SLC24A2: variants seen among roughly 807,000 people sequenced by gnomAD.
SLC24A2 encodes the protein solute carrier family 24 member 2, also known as sodium/potassium/calcium exchanger 2.
Under a neutral mutation model 62.0 loss-of-function variants are expected in SLC24A2, and 36 were observed. The observed-to-expected ratio is 0.58, with a 90% CI of 0.44 to 0.77. The LOEUF (loss-of-function observed/expected upper bound fraction) is 0.77, where lower values mean the gene tolerates loss of function less well. Among genes scored for constraint, SLC24A2 ranks in the 30% least tolerant of loss-of-function variants. The pLI is 0.00. For missense variants in SLC24A2, 846 were observed against 817.9 expected (o/e 1.03, Z -0.42); for synonymous variants, 358 against 294.0 (o/e 1.22, Z -2.23).
chr9:19,764,233 A>G (rs1264008049), intron 2 of SLC24A2, among the ~76,000 whole-genome samples: 1 of 152,112 alleles, frequency 6.6e-6, no homozygotes, highest in Non-Finnish European at 1.5e-5. Flanking sequence ...CTAGCAGTCT[A>G]TCTACTTTGT....
chr9:20,024,611 G>T, the SLC24A2 span, among the ~76,000 whole-genome samples: 51 of 152,228 alleles, frequency 3.4e-4, no homozygotes, highest in Admixed American at 5.9e-4. Flanking sequence ...GGATTAGTAG[G>T]TTCTCTGATA....
At chr9:19,713,989 C>A (rs1242302049) in intron 2 of SLC24A2, among the ~76,000 whole-genome samples, 1 of 152,298 alleles carries the variant, frequency 6.6e-6, no homozygotes, top group East Asian at 1.9e-4. Flanking sequence ...CAACCTGGAT[C>A]TAGCCAATTA....
At chr9:19,792,296 G>A (rs1266035619), upstream of SLC24A2, among the ~76,000 whole-genome samples, 1 of 152,130 alleles carries the variant, frequency 6.6e-6, no homozygotes, top group African/African-American at 2.4e-5. Flanking sequence ...AGTAGCTCTG[G>A]AGTCATAGTA....
At chr9:19,591,267 C>T (rs1482130520) in intron 5 of SLC24A2, among the ~76,000 whole-genome samples, 2 of 152,208 alleles carry the variant, frequency 1.3e-5, no homozygotes, top group East Asian at 3.8e-4. Flanking sequence ...GTCTCATAGG[C>T]ATCTTAAATT....
intron 2 of SLC24A2, among the ~76,000 whole-genome samples, chr9:19,784,383 C>T (rs1823099440): frequency 6.6e-6 from 1 of 152,150 alleles, no homozygotes; most frequent in South Asian, 2.1e-4. Context: ...AGCCAAGTCT[C>T]TAAGTTAATG....
intron 5 of SLC24A2, among the ~76,000 whole-genome samples, chr9:19,586,158 T>A (rs1836364394): frequency 6.6e-6 from 1 of 152,138 alleles, no homozygotes; most frequent in South Asian, 2.1e-4. Flanking sequence ...CTTCCCTGAG[T>A]CCCTCTCCCC....
At chr9:19,577,070 G>A (rs1375284399) in intron 5 of SLC24A2, 48 bp from the exon 6 acceptor site, 41 of 1,478,830 alleles carry the variant, frequency 2.8e-5, no homozygotes, top group Non-Finnish European at 3.8e-5. Context: ...AGAAAGAAGA[G>A]AGTCTCAGGG....
chr9:20,184,457 G>A, the SLC24A2 span, among the ~76,000 whole-genome samples: 1 of 152,316 alleles, frequency 6.6e-6, no homozygotes, highest in South Asian at 2.1e-4. Context: ...GCTGAGGCAG[G>A]AGAATCACTT....
chr9:19,582,301 T>C (rs1836232860), intron 5 of SLC24A2, among the ~76,000 whole-genome samples: 5 of 152,232 alleles, frequency 3.3e-5, no homozygotes, highest in Admixed American at 2.6e-4. Flanking sequence ...GTTTCTCTTC[T>C]GCTGTTAATT....
At chr9:20,307,535 A>G in the SLC24A2 span, among the ~76,000 whole-genome samples, 285 of 152,342 alleles carry the variant, frequency 1.9e-3, no homozygotes, top group African/African-American at 6.6e-3. Context: ...AGAAAATTCC[A>G]GCAAATTGTA....
the SLC24A2 span, among the ~76,000 whole-genome samples, chr9:19,976,954 C>G: frequency 1.3e-5 from 2 of 152,086 alleles, no homozygotes; most frequent in East Asian, 3.8e-4. Context: ...ACATAGTGAA[C>G]ATATTTTAAA....
intron 2 of SLC24A2, among the ~76,000 whole-genome samples, chr9:19,724,965 A>T (rs535915660): frequency 2.0e-5 from 3 of 152,120 alleles, no homozygotes; most frequent in African/African-American, 4.8e-5. Flanking sequence ...AGCCTCCCCA[A>T]CACTCCTTGC....
the SLC24A2 span, among the ~76,000 whole-genome samples, chr9:19,888,254 GTTTCT>G: frequency 6.6e-6 from 1 of 152,140 alleles, no homozygotes; most frequent in Admixed American, 6.5e-5. Flanking sequence ...ATAGAATGAT[GTTTCT>G]TTTAAGTCCA....
At chr9:20,224,666 G>A in the SLC24A2 span, among the ~76,000 whole-genome samples, 1 of 151,860 alleles carries the variant, frequency 6.6e-6, no homozygotes. Context: ...GAAGAGAAGA[G>A]GGGAGGGGAG....
At chr9:19,757,227 C>T (rs1042738015) in intron 2 of SLC24A2, among the ~76,000 whole-genome samples, 10 of 151,860 alleles carry the variant, frequency 6.6e-5, no homozygotes, top group South Asian at 2.1e-4. Context: ...CTCTGTACCC[C>T]GAGAACTGAG....
intron 8 of SLC24A2, among the ~76,000 whole-genome samples, chr9:19,535,469 G>A (rs571056750): frequency 3.3e-5 from 5 of 152,232 alleles, no homozygotes; most frequent in African/African-American, 9.6e-5. Flanking sequence ...TTTCTTCTAG[G>A]ATTTTTACGG....
chr9:20,087,410 G>T, the SLC24A2 span, among the ~76,000 whole-genome samples: 2 of 152,266 alleles, frequency 1.3e-5, no homozygotes, highest in South Asian at 4.1e-4. Flanking sequence ...AGATACACTT[G>T]ATCTCTGGGG....
the SLC24A2 span, among the ~76,000 whole-genome samples, chr9:20,019,138 A>G: frequency 7.5e-6 from 1 of 133,250 alleles, no homozygotes; most frequent in Admixed American, 7.5e-5. Context: ...AGAAAGAAAG[A>G]AAGAAAGAAA....
At chr9:20,005,755 T>G in the SLC24A2 span, among the ~76,000 whole-genome samples, 1 of 151,760 alleles carries the variant, frequency 6.6e-6, no homozygotes, top group East Asian at 1.9e-4. Flanking sequence ...GAAATTATGC[T>G]GAAGCCAAAG....
Sources: allele counts gnomAD v4.1 joint callset (sites outside exome capture counted in the v4.1 genomes callset), GRCh38; gene constraint gnomAD v4.1.1; transcripts MANE v1.5; gene names NCBI Gene and HGNC (gene_info 2026-07-23, HGNC 2026-07-21).